The following FMN1 variants were observed in gnomAD, a reference collection of about 807,000 sequenced individuals.
The protein encoded by FMN1 is formin-1.
Under a neutral mutation model 132.4 loss-of-function variants are expected in FMN1, and 110 were observed. The observed-to-expected ratio is 0.83, with a 90% CI of 0.71 to 0.97. The LOEUF (loss-of-function observed/expected upper bound fraction) is 0.97. Ranked by LOEUF, FMN1 falls within the 50% of genes least tolerant of loss-of-function variation. The pLI is 0.00. For synonymous variants in FMN1, 722 were observed against 651.7 expected (o/e 1.11, Z -1.64); for missense variants, 1,792 against 1,705.3 (o/e 1.05, Z -0.90).
At chr15:32,878,161 G>A (rs1039412405) in intron 16 of FMN1, among the ~76,000 whole-genome samples, 1 of 152,192 alleles carries the variant, frequency 6.6e-6, no homozygotes, top group African/African-American at 2.4e-5. Context: ...TTCTAGGAGA[G>A]GGACCCACTA....
At chr15:32,967,048 C>A (rs1024963589) in intron 8 of FMN1, among the ~76,000 whole-genome samples, 1 of 152,172 alleles carries the variant, frequency 6.6e-6, no homozygotes, top group African/African-American at 2.4e-5. Flanking sequence ...GGTTCAAATG[C>A]GCACCAAGCA....
chr15:32,939,514 ATT>A (rs1567431433), intron 9 of FMN1, among the ~76,000 whole-genome samples: 1 of 152,166 alleles, frequency 6.6e-6, no homozygotes, highest in African/African-American at 2.4e-5. Context: ...TTTTAGAATC[ATT>A]GTTAAGTTTC....
At chr15:33,167,383 G>A (rs1450708101) in intron 3 of FMN1, among the ~76,000 whole-genome samples, 1 of 152,174 alleles carries the variant, frequency 6.6e-6, no homozygotes, top group Non-Finnish European at 1.5e-5. Context: ...CCCCAGCCGT[G>A]TGGAACTGTG....
chr15:32,970,807 A>G (rs562162884), intron 7 of FMN1: 1 of 151,962 alleles, frequency 6.6e-6, no homozygotes, highest in South Asian at 2.1e-4. Flanking sequence ...AAAAAAAGAT[A>G]ACTTTTAACT....
chr15:32,999,273 T>G (rs1356438942), intron 7 of FMN1, among the ~76,000 whole-genome samples: 1 of 152,210 alleles, frequency 6.6e-6, no homozygotes, highest in Non-Finnish European at 1.5e-5. Context: ...GTGTTGATAA[T>G]GAAGAATACA....
intron 4 of FMN1, among the ~76,000 whole-genome samples, chr15:33,090,816 T>C (rs1247853757): frequency 6.6e-6 from 1 of 152,210 alleles, no homozygotes; most frequent in African/African-American, 2.4e-5. Flanking sequence ...CTTTGCTTTA[T>C]GCTCATGTTG....
chr15:33,180,912 A>G (rs1965677478), intron 2 of FMN1, among the ~76,000 whole-genome samples: 1 of 151,960 alleles, frequency 6.6e-6, no homozygotes. Context: ...TACCACGCTC[A>G]GCTAATTTTG....
chr15:33,183,184 T>C (rs186806108), intron 2 of FMN1, among the ~76,000 whole-genome samples: 3 of 152,348 alleles, frequency 2.0e-5, no homozygotes, highest in Admixed American at 6.5e-5. Context: ...CAAACCCTGT[T>C]GTATAACTTT....
chr15:33,104,387 G>A (rs1213729349), intron 4 of FMN1, among the ~76,000 whole-genome samples: 1 of 152,138 alleles, frequency 6.6e-6, no homozygotes, highest in African/African-American at 2.4e-5. Flanking sequence ...AGTCACAACA[G>A]TGACTTGTTG....
At chr15:33,063,467 T>C (rs1355629420) in intron 6 of FMN1, 1 of 152,290 alleles carries the variant, frequency 6.6e-6, no homozygotes, top group African/African-American at 2.4e-5. Flanking sequence ...AAGCTTCTCC[T>C]TGGTACTGGC....
chr15:32,808,367 G>C (rs1567201391), intron 17 of FMN1, among the ~76,000 whole-genome samples: 1 of 152,224 alleles, frequency 6.6e-6, no homozygotes, highest in Non-Finnish European at 1.5e-5. Flanking sequence ...AAATGGAGAT[G>C]ATGATACCTA....
intron 5 of FMN1, among the ~76,000 whole-genome samples, chr15:33,065,905 A>C (rs1284147747): frequency 6.6e-6 from 1 of 152,196 alleles, no homozygotes; most frequent in African/African-American, 2.4e-5. Context: ...AATTCTCATA[A>C]CAACCATATA....
intron 7 of FMN1, among the ~76,000 whole-genome samples, chr15:32,987,341 C>A (rs868791594): frequency 6.6e-6 from 1 of 152,092 alleles, no homozygotes; most frequent in African/African-American, 2.4e-5. Context: ...GTGCCATGTA[C>A]CCTTTATGAA....
At chr15:32,797,160 CTA>C (rs1318085083) in intron 19 of FMN1, among the ~76,000 whole-genome samples, 1 of 152,200 alleles carries the variant, frequency 6.6e-6, no homozygotes, top group Non-Finnish European at 1.5e-5. Context: ...GATCTAACTT[CTA>C]TGATACAGAA....
In FMN1 at chr15:33,107,469, C is replaced by T. The variant is rs150839991; in HGVS notation, c.1868-18495G>A. Among the ~76,000 whole-genome samples the T allele has an allele frequency of 2.2e-4, 34 of 152,174 alleles. No homozygotes were observed. The East Asian group carries it at 6.0e-3, about 27-fold the overall frequency. ...AAAGAACATCACTGGACTTGATCCC[C>T]GCCTATCACTTTCTCCCCATCTCCT... is the stretch of plus-strand genomic sequence containing the variant. On this transcript the variant is annotated intron_variant, in intron 4 of 20. Coordinates refer to ENST00000616417, the MANE Select transcript of FMN1 (RefSeq NM_001277313.2).
At chr15:33,093,474 GTATC>G (rs748089962) in intron 4 of FMN1, among the ~76,000 whole-genome samples, 5 of 152,186 alleles carry the variant, frequency 3.3e-5, no homozygotes, top group Non-Finnish European at 7.4e-5. Flanking sequence ...ACTCATGTCT[GTATC>G]TAAGAAGACA....
At chr15:33,039,023 A>C (rs1014960533) in intron 6 of FMN1, among the ~76,000 whole-genome samples, 1 of 152,216 alleles carries the variant, frequency 6.6e-6, no homozygotes, top group Admixed American at 6.5e-5. Context: ...CAGGCTCCCC[A>C]GATTATTTTT....
chr15:33,007,490 C>A (rs918066838), intron 7 of FMN1, among the ~76,000 whole-genome samples: 1 of 152,080 alleles, frequency 6.6e-6, no homozygotes, highest in Admixed American at 6.6e-5. Flanking sequence ...TCATTCCGGG[C>A]TTCACAAGGG....
chr15:32,966,139 T>C (rs566146200), intron 8 of FMN1, among the ~76,000 whole-genome samples: 1 of 152,194 alleles, frequency 6.6e-6, no homozygotes, highest in Middle Eastern at 3.4e-3. Context: ...TCAGGCCAAC[T>C]GCTCAGCCCC....
Sources: gnomAD v4.1 joint callset for allele counts (sites outside exome capture counted in the v4.1 genomes callset) on GRCh38, gnomAD v4.1.1 for gene constraint, MANE v1.5 for transcripts, NCBI Gene and HGNC (gene_info 2026-07-23, HGNC 2026-07-21) for gene names.